Variants in TDRD3 observed in about 807,000 individuals in gnomAD.
TDRD3 encodes the protein tudor domain containing 3.
TDRD3 carries 45 observed loss-of-function variants against 86.7 expected under a neutral mutation model. The observed-to-expected ratio is 0.52, with a 90% CI of 0.41 to 0.67. The LOEUF (loss-of-function observed/expected upper bound fraction) is 0.67, where lower values mean the gene tolerates loss of function less well. TDRD3 is among the 30% of genes least tolerant of loss of function. The pLI, the probability that TDRD3 is intolerant of heterozygous loss-of-function variation, is 0.00. For missense variants in TDRD3, 814 were observed against 889.0 expected, an observed-to-expected ratio of 0.92 and a Z score of 1.07; for synonymous variants, 298 against 301.7, an observed-to-expected ratio of 0.99 and a Z score of 0.13.
chr13:60,498,949 C>T lies in TDRD3; in HGVS notation c.858+4374C>T, dbSNP rs138521573. 1.4e-4 allele frequency among the ~76,000 whole-genome samples: 21 copies of T among 152,080 alleles called. No individual in the cohort carries two copies. The East Asian group carries it at 1.8e-3, about 13-fold the overall frequency. On this transcript the variant is annotated intron_variant, in intron 8 of 13. Coordinates refer to ENST00000377881, the MANE Select transcript of TDRD3 (RefSeq NM_001146070.2). The stretch of plus-strand genomic sequence containing the variant: ...AATTACAGTGGGTCCAGTGGGTACG[C>T]GGACTCATCCTGTGGTCATTTCCCC...
chr13:60,530,781 T>C (rs1050229430), intron 11 of TDRD3, among the ~76,000 whole-genome samples: 2 of 152,036 alleles, frequency 1.3e-5, no homozygotes, highest in Non-Finnish European at 2.9e-5. Flanking sequence ...TAGGTTGCAG[T>C]TGATACAGTA....
At chr13:60,421,507 G>C (rs991477193) in intron 1 of TDRD3, among the ~76,000 whole-genome samples, 2 of 152,168 alleles carry the variant, frequency 1.3e-5, no homozygotes, top group Non-Finnish European at 2.9e-5. Flanking sequence ...TATCACATAC[G>C]AATTTTAACA....
In TDRD3 at chr13:60,545,889, TTCTC is replaced by T. The variant is rs558547508; in HGVS notation, c.2118+10660_2118+10663del. On this transcript the variant is annotated intron_variant, in intron 12 of 13. Transcript: ENST00000377881. ...CTCTTCCTTTTTGTTCTTCCTCTGT[TTCTC>T]TCTTTTTTCTCTTTATCTAAGCTCC... Among the ~76,000 whole-genome samples the T allele has an allele frequency of 2.1e-3, 322 of 152,216 alleles. 3 individuals are homozygous for T. The highest frequency in any genetic ancestry group is 7.3e-3 in the African/African-American group (304 of 41,558).
intron 2 of TDRD3, among the ~76,000 whole-genome samples, chr13:60,442,485 T>A (rs1276414906): frequency 6.6e-6 from 1 of 152,024 alleles, no homozygotes; most frequent in Non-Finnish European, 1.5e-5. Context: ...CCTGTATTAT[T>A]ATTTTTTGTT....
At chr13:60,439,390 A>G (rs1417703857) in intron 1 of TDRD3, among the ~76,000 whole-genome samples, 1 of 152,172 alleles carries the variant, frequency 6.6e-6, no homozygotes, top group Non-Finnish European at 1.5e-5. Context: ...TATTTGTATA[A>G]TAGCAAAGAG....
chr13:60,485,387 T>G (rs1396441818), intron 6 of TDRD3, among the ~76,000 whole-genome samples: 1 of 152,082 alleles, frequency 6.6e-6, no homozygotes, highest in African/African-American at 2.4e-5. Context: ...AATATAATTG[T>G]ACTAACCAAT....
intron 2 of TDRD3, among the ~76,000 whole-genome samples, chr13:60,440,070 A>G (rs982863083): frequency 4.7e-4 from 72 of 152,162 alleles, no homozygotes; most frequent in African/African-American, 1.7e-3. Context: ...AATAGTAGTA[A>G]AAACTGACTA....
At chr13:60,464,336 C>T (rs552991876) in intron 4 of TDRD3, among the ~76,000 whole-genome samples, 17 of 152,194 alleles carry the variant, frequency 1.1e-4, no homozygotes, top group African/African-American at 2.4e-4. Flanking sequence ...CCATGGAAAA[C>T]GGTATGGCGG....
intron 9 of TDRD3, 131 bp downstream of exon 9, chr13:60,510,050 A>G (rs1392546530): frequency 1.9e-6 from 2 of 1,052,926 alleles, no homozygotes; most frequent in African/African-American, 3.2e-5. Context: ...AAGGAACACC[A>G]GTTTGGGAAC....
chr13:60,557,675 T>G (rs1244088492), intron 12 of TDRD3, among the ~76,000 whole-genome samples: 1 of 152,056 alleles, frequency 6.6e-6, no homozygotes, highest in Non-Finnish European at 1.5e-5. Flanking sequence ...ACAACTATTT[T>G]TGTATCATTT....
intron 5 of TDRD3, among the ~76,000 whole-genome samples, chr13:60,470,102 GAAGT>G (rs1956043774): frequency 6.6e-6 from 1 of 152,074 alleles, no homozygotes; most frequent in Non-Finnish European, 1.5e-5. Context: ...TGAATTTGAC[GAAGT>G]AACTCATATG....
rs751226852 is a variant in TDRD3 at position 60,528,728 on chromosome 13, C to T, written c.1503C>T (p.Asn501=). The change falls in exon 11 of 14, where the codon AAC becomes AAT. Residue 501 remains asparagine, a synonymous_variant. Coordinates refer to ENST00000377881, the MANE Select transcript of TDRD3 (RefSeq NM_001146070.2). ...ATGGTGCTTTTAAAAAAAGAGATAA[C>T]TCTATGCAAAGCAGATCAGGAAAAG... is the stretch of plus-strand genomic sequence containing the variant. ...HSDGAFKKRD[N]SMQSRSGKGP... 5.0e-6 allele frequency: 8 copies of T among 1,612,472 alleles called. No homozygotes were observed. Among genetic ancestry groups the T allele is most frequent in the South Asian group, 2.2e-5 (2 of 90,570 alleles).
In TDRD3 at chr13:60,448,911, C is replaced by G. The variant is rs974218566; in HGVS notation, c.192+4163C>G. ...ATACTTTCTTATCAATTCAGCTACT[C>G]GAGGACCTTATGTACTGCTATGGAG... On this transcript the variant is annotated intron_variant, in intron 3 of 13. Transcript: ENST00000377881. Among the ~76,000 whole-genome samples the G allele has an allele frequency of 2.6e-5, 4 of 152,218 alleles. No individual in the cohort carries two copies. The East Asian group carries it at 7.7e-4, about 29-fold the overall frequency.
chr13:60,475,995 T>C (rs1312286943), intron 5 of TDRD3, among the ~76,000 whole-genome samples: 1 of 152,216 alleles, frequency 6.6e-6, no homozygotes, highest in African/African-American at 2.4e-5. Context: ...AGGTTTTCTG[T>C]GTACCCTGTT....
intron 8 of TDRD3, among the ~76,000 whole-genome samples, chr13:60,499,351 C>T (rs1399726015): frequency 6.6e-6 from 1 of 152,224 alleles, no homozygotes. Flanking sequence ...TAACACATCT[C>T]CTGGTACCTG....
chr13:60,458,671 A>G (rs1033864798), intron 3 of TDRD3, among the ~76,000 whole-genome samples: 9 of 152,302 alleles, frequency 5.9e-5, no homozygotes, highest in East Asian at 5.8e-4. Context: ...TTTTTTTGCA[A>G]TGATGAAAGT....
intron 1 of TDRD3, among the ~76,000 whole-genome samples, chr13:60,413,271 G>A (rs1954408323): frequency 6.6e-6 from 1 of 152,046 alleles, no homozygotes; most frequent in African/African-American, 2.4e-5. Flanking sequence ...AGAGATTACT[G>A]AGGAAAAAAA....
chr13:60,417,704 C>T (rs1361327781), intron 1 of TDRD3, among the ~76,000 whole-genome samples: 1 of 152,148 alleles, frequency 6.6e-6, no homozygotes, highest in East Asian at 1.9e-4. Flanking sequence ...CTTCAAAATA[C>T]AGCCTTATAT....
intron 1 of TDRD3, among the ~76,000 whole-genome samples, chr13:60,431,841 A>G (rs1325710469): frequency 6.6e-6 from 1 of 151,986 alleles, no homozygotes; most frequent in Non-Finnish European, 1.5e-5. Flanking sequence ...TATTGAAAGT[A>G]GTTTACTACA....
Sources: gnomAD v4.1 joint callset for allele counts (sites outside exome capture counted in the v4.1 genomes callset) on GRCh38, gnomAD v4.1.1 for gene constraint, MANE v1.5 for transcripts, NCBI Gene and HGNC (gene_info 2026-07-23, HGNC 2026-07-21) for gene names.